The following KMT5B variants were observed in gnomAD, a reference collection of about 807,000 sequenced individuals.
The protein encoded by KMT5B is histone-lysine N-methyltransferase KMT5B.
In KMT5B, 10 loss-of-function variants were observed where a neutral mutation model predicts 83.2. The observed-to-expected ratio is 0.12, with a 90% CI of 0.07 to 0.20. The LOEUF (loss-of-function observed/expected upper bound fraction) is 0.20. Among genes scored for constraint, KMT5B ranks in the 10% least tolerant of loss-of-function variants. The pLI is 1.00. For missense variants in KMT5B, 753 were observed against 1,067.2 expected (o/e 0.71, Z 4.10); for synonymous variants, 349 against 388.8 (o/e 0.90, Z 1.20).
intron 1 of KMT5B, among the ~76,000 whole-genome samples, chr11:68,206,539 C>T (rs554155662): frequency 6.6e-6 from 1 of 152,260 alleles, no homozygotes; most frequent in South Asian, 2.1e-4. Context: ...AGTCAAAGCA[C>T]CTGTCCCACC....
intron 1 of KMT5B, among the ~76,000 whole-genome samples, chr11:68,193,069 C>T (rs924143678): frequency 6.6e-6 from 1 of 152,116 alleles, no homozygotes; most frequent in South Asian, 2.1e-4. Flanking sequence ...ACCTCATTAT[C>T]GAATTATGCA....
At chr11:68,190,260 A>G in intron 1 of KMT5B, 108 bp from the exon 2 acceptor site, 1 of 591,706 alleles carries the variant, frequency 1.7e-6, no homozygotes, top group East Asian at 2.9e-5. Context: ...AAGGACAGTC[A>G]TTCACAGTAT....
At chr11:68,174,491 C>G (rs992841771) in intron 5 of KMT5B, among the ~76,000 whole-genome samples, 1 of 152,096 alleles carries the variant, frequency 6.6e-6, no homozygotes, top group Non-Finnish European at 1.5e-5. Flanking sequence ...TCCCTTAAGG[C>G]TCATAATGAA....
chr11:68,168,473 T>G (rs1855530136), intron 9 of KMT5B, among the ~76,000 whole-genome samples: 1 of 152,098 alleles, frequency 6.6e-6, no homozygotes, highest in East Asian at 1.9e-4. Flanking sequence ...GTAGCTGGAA[T>G]TATAGGCGCG....
At position 68,189,774 on chromosome 11, in the gene KMT5B, TGA is replaced by T. The variant is rs1857842273; in HGVS notation, c.160+141_160+142del. Reference sequence around the variant, plus strand: ...ATGAGAATAAAAATTGACACAACTTTGAGAGTAAAAAGACTATATTGTTAATT... The same window carrying T: ...ATGAGAATAAAAATTGACACAACTTTGAGTAAAAAGACTATATTGTTAATT... On this transcript the variant is annotated intron_variant, in intron 2 of 10. Transcript: ENST00000304363. 5 of 688,926 alleles carry T rather than the reference TGA, an allele frequency of 7.3e-6. No homozygotes were observed. In the South Asian group the frequency reaches 1.1e-4, roughly 15 times the overall value. 42.7% of individuals were successfully genotyped at this position (688,926 alleles called of 1,614,324 possible).
intron 10 of KMT5B, among the ~76,000 whole-genome samples, chr11:68,160,594 G>T (rs1480119063): frequency 2.0e-5 from 3 of 152,188 alleles, no homozygotes; most frequent in South Asian, 4.1e-4. Flanking sequence ...GCCTCAGGTT[G>T]CCAGGGCAAC....
At chr11:68,168,092 C>T (rs1380965746) in intron 9 of KMT5B, among the ~76,000 whole-genome samples, 2 of 152,112 alleles carry the variant, frequency 1.3e-5, no homozygotes, top group Admixed American at 1.3e-4. Flanking sequence ...AGAAGAATTG[C>T]GTGAACCTGG....
chr11:68,165,631 G>C (rs897294405), intron 10 of KMT5B: 8 of 871,882 alleles, frequency 9.2e-6, no homozygotes, highest in Admixed American at 8.1e-5. Flanking sequence ...CACCATGCCT[G>C]GCTTTTAAGT....
intron 1 of KMT5B, among the ~76,000 whole-genome samples, chr11:68,190,440 A>G (rs770931538): frequency 2.0e-5 from 3 of 152,150 alleles, no homozygotes; most frequent in Admixed American, 6.5e-5. Flanking sequence ...GTTAACTATA[A>G]AACAGCCCCA....
At chr11:68,162,599 G>C (rs1311308089) in intron 10 of KMT5B, among the ~76,000 whole-genome samples, 1 of 152,146 alleles carries the variant, frequency 6.6e-6, no homozygotes, top group Non-Finnish European at 1.5e-5. Context: ...CCATTTTATG[G>C]TGATTCTGAA....
chr11:68,167,011 G>A lies in KMT5B; in HGVS notation c.1145C>T (p.Ala382Val), dbSNP rs556032226. ...ATTGTTTTTTTCCTGAGTGGTATCTGCATCAGTGTTAGAGCTGACAGATTG... is the reference window on the plus strand; with the variant it reads ...ATTGTTTTTTTCCTGAGTGGTATCTACATCAGTGTTAGAGCTGACAGATTG... Reference protein sequence around the residue: ...DSQSVSSNTDADTTQEKNNAT... With the variant: ...DSQSVSSNTDVDTTQEKNNAT... Residue 382 changes from alanine to valine, a missense_variant, in exon 10 of 11, where the codon GCA becomes GTA. Around this residue, in one of 9 missense-constraint regions of KMT5B, gnomAD observed 397 missense variants for 395.9 expected, o/e 1.00. Transcript: ENST00000304363. 3 of 1,614,066 alleles carry A rather than the reference G, an allele frequency of 1.9e-6. No individual in the cohort carries two copies. The highest frequency in any genetic ancestry group is 1.7e-5 in the Admixed American group (1 of 60,020).
At chr11:68,176,356 A>T (rs1856379710) in intron 4 of KMT5B, among the ~76,000 whole-genome samples, 1 of 152,252 alleles carries the variant, frequency 6.6e-6, no homozygotes, top group Non-Finnish European at 1.5e-5. Context: ...CTGTGTTTTC[A>T]GTAAAACGTG....
intron 9 of KMT5B, among the ~76,000 whole-genome samples, chr11:68,168,876 G>A (rs1289804165): frequency 2.0e-5 from 3 of 152,128 alleles, no homozygotes; most frequent in African/African-American, 4.8e-5. Flanking sequence ...CTGACAGCTG[G>A]CACTGTGCTG....
At chr11:68,202,377 C>T (rs978931847) in intron 1 of KMT5B, among the ~76,000 whole-genome samples, 1 of 152,094 alleles carries the variant, frequency 6.6e-6, no homozygotes, top group Non-Finnish European at 1.5e-5. Flanking sequence ...CTTGGGGTGC[C>T]GCCACACTGC....
intron 10 of KMT5B, chr11:68,164,638 TCA>T (rs1457316890): frequency 2.0e-6 from 1 of 512,498 alleles, no homozygotes. Flanking sequence ...GCCCATGACC[TCA>T]GAGTTAGTCA....
At chr11:68,180,082 G>A in intron 4 of KMT5B, 50 bp downstream of exon 4, 2 of 1,530,684 alleles carry the variant, frequency 1.3e-6, no homozygotes, top group Non-Finnish European at 8.8e-7. Context: ...ATTTTAAAAG[G>A]CTAGAATGGG....
At chr11:68,179,766 T>C in intron 4 of KMT5B, 1 of 575,512 alleles carries the variant, frequency 1.7e-6, no homozygotes, top group Non-Finnish European at 2.5e-6. Context: ...AAAGTTTAGC[T>C]GCAAATCCAC....
At chr11:68,165,511 A>C (rs1456272077) in intron 10 of KMT5B, among the ~76,000 whole-genome samples, 5 of 152,076 alleles carry the variant, frequency 3.3e-5, no homozygotes, top group Non-Finnish European at 7.4e-5. Flanking sequence ...TCAAAAGAAA[A>C]AAAAAAAAAG....
intron 1 of KMT5B, among the ~76,000 whole-genome samples, chr11:68,200,919 C>A (rs2153083644): frequency 1.3e-5 from 2 of 152,248 alleles, no homozygotes; most frequent in South Asian, 4.1e-4. Flanking sequence ...GCACTGAAAT[C>A]AACAGGAAGA....
Sources: gnomAD v4.1 joint callset for allele counts (sites outside exome capture counted in the v4.1 genomes callset) on GRCh38, gnomAD v4.1.1 for gene constraint, gnomAD v4.1.1 regional missense constraint, MANE v1.5 for transcripts, NCBI Gene and HGNC (gene_info 2026-07-23, HGNC 2026-07-21) for gene names.